The following ABHD2 variants were observed in gnomAD, a reference collection of about 807,000 sequenced individuals.
The protein encoded by ABHD2 is abhydrolase domain containing 2, acylglycerol lipase.
A neutral mutation model predicts 48.1 loss-of-function variants in ABHD2; 20 were observed. That is an observed-to-expected ratio of 0.42 (90% CI 0.29 to 0.60). The LOEUF (loss-of-function observed/expected upper bound fraction) is 0.60. Ranked by LOEUF, ABHD2 falls within the 20% of genes least tolerant of loss-of-function variation. ABHD2 has a pLI of 0.24. For missense variants in ABHD2, 405 were observed against 550.9 expected (o/e 0.74, Z 2.65); for synonymous variants, 209 against 214.2 (o/e 0.98, Z 0.21).
At chr15:89,078,953 G>A in the ABHD2 span, among the ~76,000 whole-genome samples, 7 of 152,018 alleles carry the variant, frequency 4.6e-5, no homozygotes, top group Admixed American at 2.0e-4. Flanking sequence ...GGCTCATCTC[G>A]AACTCCTGAC....
chr15:89,078,759 A>G, the ABHD2 span, among the ~76,000 whole-genome samples: 1 of 148,498 alleles, frequency 6.7e-6, no homozygotes, highest in East Asian at 2.0e-4. Flanking sequence ...CTTGTGAGAC[A>G]GAGTCTTGTC....
At chr15:89,124,115 C>A (rs2050096476) in intron 3 of ABHD2, among the ~76,000 whole-genome samples, 1 of 152,068 alleles carries the variant, frequency 6.6e-6, no homozygotes, top group Non-Finnish European at 1.5e-5. Context: ...TCCTAGTGTA[C>A]CAAGGAAGTA....
chr15:89,075,427 T>A, the ABHD2 span: 1 of 152,234 alleles, frequency 6.6e-6, no homozygotes, highest in African/African-American at 2.4e-5. The surrounding 1 kb of genome is among the most constrained non-coding windows in gnomAD (Gnocchi z 4.1). Flanking sequence ...GGGTGAGTAG[T>A]CCAGATCGAG....
intron 1 of ABHD2, among the ~76,000 whole-genome samples, chr15:89,090,009 T>C (rs1384995412): frequency 1.3e-5 from 2 of 152,048 alleles, no homozygotes; most frequent in African/African-American, 2.4e-5. Context: ...AGGCCTGGGG[T>C]GGTCACAGGG....
the ABHD2 span, among the ~76,000 whole-genome samples, chr15:89,076,689 G>T: frequency 6.6e-6 from 1 of 151,970 alleles, no homozygotes; most frequent in Non-Finnish European, 1.5e-5. Flanking sequence ...TCACCATGTT[G>T]CCCAGGCCAG....
chr15:89,051,530 G>T, the ABHD2 span, among the ~76,000 whole-genome samples: 1 of 152,136 alleles, frequency 6.6e-6, no homozygotes, highest in Non-Finnish European at 1.5e-5. Flanking sequence ...ATATGGTTTG[G>T]CTGTGCCCCC....
At chr15:89,160,492 GT>G (rs34084756) in intron 5 of ABHD2, among the ~76,000 whole-genome samples, 11,002 of 144,046 alleles carry the variant, frequency 0.076, 1,145 homozygotes, top group African/African-American at 0.24. Context: ...CTGCCTACCT[GT>G]TTTTTTTTTT....
the ABHD2 span, among the ~76,000 whole-genome samples, chr15:89,071,465 C>T: frequency 6.6e-6 from 1 of 152,164 alleles, no homozygotes; most frequent in African/African-American, 2.4e-5. Flanking sequence ...GGCTTACATA[C>T]AGGGGAGAGT....
chr15:89,092,267 G>A lies in ABHD2; in HGVS notation c.-107+3704G>A, dbSNP rs1351473223. 6.6e-6 allele frequency among the ~76,000 whole-genome samples: 1 copy of A among 152,182 alleles called. No homozygotes were observed. Among genetic ancestry groups the A allele is most frequent in the Admixed American group, 6.5e-5 (1 of 15,272 alleles). Reference sequence around the variant, plus strand: ...CTTTCACAATAAATAGCAGACAGGTGAAGAGCTTTTTAGAGAAGTGGAACG... The same window carrying A: ...CTTTCACAATAAATAGCAGACAGGTAAAGAGCTTTTTAGAGAAGTGGAACG... On this transcript the variant is annotated intron_variant, in intron 1 of 10. Transcript: ENST00000352732. This position sits in a 1 kb window ranked among gnomAD's most constrained non-coding sequence, Gnocchi z 4.4.
intron 3 of ABHD2, among the ~76,000 whole-genome samples, chr15:89,133,877 C>T (rs961970246): frequency 6.3e-5 from 9 of 142,906 alleles, no homozygotes; most frequent in South Asian, 2.1e-4. Context: ...CGCTCTGTCA[C>T]CCAGGCTAGA....
Position 89,104,524 on chromosome 15 carries a change from G to A in ABHD2, c.-106-9201G>A, listed in dbSNP as rs770585719. On this transcript the variant is annotated intron_variant, in intron 1 of 10. Coordinates refer to ENST00000352732, the MANE Select transcript of ABHD2 (RefSeq NM_152924.5). This position sits in a 1 kb window ranked among gnomAD's most constrained non-coding sequence, Gnocchi z 4.4. Reference sequence around the variant, plus strand: ...AGTGTGTATTAGCCAAGTACTGGGGGCACTGGGAGCCTTGTCTGCTCCCAG... The same window carrying A: ...AGTGTGTATTAGCCAAGTACTGGGGACACTGGGAGCCTTGTCTGCTCCCAG... Among the ~76,000 whole-genome samples, 11 of 152,210 alleles carry A rather than the reference G, an allele frequency of 7.2e-5. No individual in the cohort carries two copies. The highest frequency in any genetic ancestry group is 1.9e-4 in the East Asian group (1 of 5,198).
Position 89,199,482 on chromosome 15 carries a change from G to A in ABHD2, c.*4059G>A, listed in dbSNP as rs1003189578. The A allele has an allele frequency of 6.6e-6, 1 of 152,550 alleles. No homozygotes were observed. The highest frequency in any genetic ancestry group is 2.4e-5 in the African/African-American group (1 of 41,412). 9.4% of individuals were successfully genotyped at this position (152,550 alleles called of 1,614,324 possible). On this transcript the variant is annotated 3_prime_UTR_variant, in exon 11 of 11. Coordinates refer to ENST00000352732, the MANE Select transcript of ABHD2 (RefSeq NM_152924.5). The surrounding 1 kb of genome is among the most constrained non-coding windows in gnomAD (Gnocchi z 4.1). ...GAATCCCTGGTATTACAACGATATTGCGGCATTAGAATTCCAACTCTTCTG... is the reference window on the plus strand; with the variant it reads ...GAATCCCTGGTATTACAACGATATTACGGCATTAGAATTCCAACTCTTCTG...
rs773940002 is a variant in ABHD2 at position 89,186,721 on chromosome 15, C to T, written c.815+1205C>T. Among the ~76,000 whole-genome samples the T allele has an allele frequency of 6.6e-6, 1 of 152,132 alleles. No homozygotes were observed. Among genetic ancestry groups the T allele is most frequent in the Admixed American group, 6.5e-5 (1 of 15,280 alleles). On this transcript the variant is annotated intron_variant, in intron 7 of 10. Transcript: ENST00000352732. The surrounding 1 kb of genome is among the most constrained non-coding windows in gnomAD (Gnocchi z 4.3). ...CCAGCACCCGAGACACACCCGTTCGCTCAAAAAAATTTGGGGGATTTTTGG... is the reference window on the plus strand; with the variant it reads ...CCAGCACCCGAGACACACCCGTTCGTTCAAAAAAATTTGGGGGATTTTTGG...
rs1042806344 is a variant in ABHD2 at position 89,182,425 on chromosome 15, T to G, written c.723-2999T>G. On this transcript the variant is annotated intron_variant, in intron 6 of 10. Transcript: ENST00000352732. This position sits in a 1 kb window ranked among gnomAD's most constrained non-coding sequence, Gnocchi z 4.8. The stretch of plus-strand genomic sequence containing the variant: ...TGGTGGACCAATATCTGGCCCAGCC[T>G]GGGGAGCAGTTCCTGCCACCCCTTC... Among the ~76,000 whole-genome samples the G allele has an allele frequency of 6.6e-6, 1 of 152,160 alleles. No homozygotes were observed.
rs139776940 is a variant in ABHD2, at chr15:89,176,056, G to A, written c.722+61G>A. The A allele has an allele frequency of 1.3e-4, 199 of 1,481,788 alleles. No homozygotes were observed. The African/African-American group carries it at 2.0e-3, about 15-fold the overall frequency. 91.8% of individuals were successfully genotyped at this position (1,481,788 alleles called of 1,614,324 possible). A position where few individuals can be genotyped will look rare whatever the true frequency, so the allele number is the denominator to read the frequency against. On this transcript the variant is annotated intron_variant, in intron 6 of 10. Coordinates refer to ENST00000352732, the MANE Select transcript of ABHD2 (RefSeq NM_152924.5). This position sits in a 1 kb window ranked among gnomAD's most constrained non-coding sequence, Gnocchi z 4.5. Reference sequence around the variant, plus strand: ...TAGCCCTTATTTATAGAGATGCCCCGACGCACAACACACTGTTCTGTGAAG... The same window carrying A: ...TAGCCCTTATTTATAGAGATGCCCCAACGCACAACACACTGTTCTGTGAAG...
rs1221926610 is a variant in ABHD2, at chr15:89,201,071, A to C, written c.*5648A>C. Reference sequence around the variant, plus strand: ...CACTCCAGCCTGGGCAACAAGAGTGAGACTCCGTCTCCAAAAAAAGAAAAG... The same window carrying C: ...CACTCCAGCCTGGGCAACAAGAGTGCGACTCCGTCTCCAAAAAAAGAAAAG... On this transcript the variant is annotated 3_prime_UTR_variant, in exon 11 of 11. Transcript: ENST00000352732. The C allele has an allele frequency of 2.4e-6, 2 of 821,676 alleles. No individual in the cohort carries two copies. The highest frequency in any genetic ancestry group is 4.2e-6 in the Non-Finnish European group (2 of 474,982). The allele number at this position is 821,676 out of a possible 1,614,324, so 50.9% of individuals were successfully genotyped here. A position where few individuals can be genotyped will look rare whatever the true frequency, so the allele number is the denominator to read the frequency against.
chr15:89,079,478 CAT>C, the ABHD2 span, among the ~76,000 whole-genome samples: 1 of 142,568 alleles, frequency 7.0e-6, no homozygotes, highest in African/African-American at 3.1e-5. This position sits in a 1 kb window ranked among gnomAD's most constrained non-coding sequence, Gnocchi z 4.3. Context: ...TAAACCTCTA[CAT>C]GGCAAAATAA....
At chr15:89,077,366 A>G in the ABHD2 span, among the ~76,000 whole-genome samples, 2 of 152,228 alleles carry the variant, frequency 1.3e-5, no homozygotes, top group Non-Finnish European at 2.9e-5. Context: ...ATGTTCTACA[A>G]TCTGTTTATC....
At chr15:89,047,605 G>A in the ABHD2 span, among the ~76,000 whole-genome samples, 1 of 150,180 alleles carries the variant, frequency 6.7e-6, no homozygotes, top group Non-Finnish European at 1.5e-5. Context: ...TATATATTTA[G>A]GATAGTCAGC....
Sources: gnomAD v4.1 joint callset for allele counts (sites outside exome capture counted in the v4.1 genomes callset) on GRCh38, gnomAD v4.1.1 for gene constraint, Gnocchi (gnomAD v3.1) non-coding constraint, MANE v1.5 for transcripts, NCBI Gene and HGNC (gene_info 2026-07-23, HGNC 2026-07-21) for gene names.